The following TAFA1 variants were observed in gnomAD, a reference collection of about 807,000 sequenced individuals.
TAFA1 encodes the protein chemokine-like protein TAFA-1.
TAFA1 carries 4 observed loss-of-function variants against 18.5 expected under a neutral mutation model. The ratio of observed to expected loss-of-function variants is 0.22; its 90% confidence interval spans 0.11 to 0.49. TAFA1 has a LOEUF of 0.49. Among genes scored for constraint, TAFA1 ranks in the 20% least tolerant of loss-of-function variants. The probability of loss-of-function intolerance (pLI) is 0.98; values close to 1 mark genes in which losing one functional copy is unlikely to be tolerated. For synonymous variants in TAFA1, 56 were observed against 55.2 expected (o/e 1.01, Z -0.06); for missense variants, 147 against 169.0 (o/e 0.87, Z 0.72).
chr3:68,292,047 T>C (rs1416003865), intron 2 of TAFA1, among the ~76,000 whole-genome samples: 2 of 152,170 alleles, frequency 1.3e-5, no homozygotes, highest in Non-Finnish European at 2.9e-5. Flanking sequence ...TTCACTCATG[T>C]CGTTTACTCT....
At chr3:68,059,147 C>T (rs2064570821) in intron 2 of TAFA1, among the ~76,000 whole-genome samples, 1 of 152,002 alleles carries the variant, frequency 6.6e-6, no homozygotes, top group South Asian at 2.1e-4. Flanking sequence ...AGAAGAAGAC[C>T]ATACAATTGG....
intron 3 of TAFA1, 194 bp downstream of exon 3, chr3:68,417,614 C>A: frequency 1.7e-6 from 1 of 586,818 alleles, no homozygotes; most frequent in Non-Finnish European, 2.9e-6. Flanking sequence ...GTTTTTTCCC[C>A]AAAAAATAGA....
intron 2 of TAFA1, among the ~76,000 whole-genome samples, chr3:68,066,460 A>T (rs2064679281): frequency 6.6e-6 from 1 of 152,204 alleles, no homozygotes; most frequent in East Asian, 1.9e-4. Context: ...TCTGCTTTTA[A>T]ATGTGTGTCT....
intron 2 of TAFA1, among the ~76,000 whole-genome samples, chr3:68,412,425 G>A (rs936171904): frequency 8.6e-5 from 13 of 151,498 alleles, no homozygotes; most frequent in Non-Finnish European, 5.9e-5. Context: ...TGTGCACAAC[G>A]TGCAGGTTTG....
intron 2 of TAFA1, among the ~76,000 whole-genome samples, chr3:68,021,140 C>A (rs751470776): frequency 1.6e-5 from 2 of 128,200 alleles, no homozygotes; most frequent in East Asian, 5.1e-4. Flanking sequence ...GAGCCAAGAT[C>A]GTGCCACTGC....
At chr3:68,400,165 G>C (rs1325873424) in intron 2 of TAFA1, among the ~76,000 whole-genome samples, 3 of 152,116 alleles carry the variant, frequency 2.0e-5, no homozygotes, top group Non-Finnish European at 4.4e-5. Flanking sequence ...CATTTGCACT[G>C]CATCGACTGA....
chr3:68,486,720 A>G (rs1184998085), intron 3 of TAFA1, among the ~76,000 whole-genome samples: 1 of 152,218 alleles, frequency 6.6e-6, no homozygotes, highest in South Asian at 2.1e-4. Context: ...GATGGTGTCA[A>G]TGCAGCATTA....
chr3:68,278,586 A>T (rs1407029738), intron 2 of TAFA1, among the ~76,000 whole-genome samples: 1 of 152,120 alleles, frequency 6.6e-6, no homozygotes, highest in African/African-American at 2.4e-5. Flanking sequence ...TAGTGCAGAG[A>T]TAGTGCCATC....
intron 3 of TAFA1, among the ~76,000 whole-genome samples, chr3:68,452,411 TA>T (rs1166088710): frequency 1.3e-5 from 2 of 150,960 alleles, no homozygotes; most frequent in East Asian, 3.9e-4. Context: ...TGGTCCTAGC[TA>T]CTCGGGAGGC....
intron 3 of TAFA1, among the ~76,000 whole-genome samples, chr3:68,465,270 T>C (rs2071865980): frequency 6.6e-6 from 1 of 152,156 alleles, no homozygotes; most frequent in Non-Finnish European, 1.5e-5. Context: ...AGCAGATACC[T>C]TGTAACCATA....
intron 2 of TAFA1, among the ~76,000 whole-genome samples, chr3:68,078,292 T>C (rs2064852659): frequency 6.6e-6 from 1 of 151,498 alleles, no homozygotes; most frequent in Non-Finnish European, 1.5e-5. Flanking sequence ...CCTAATTGAA[T>C]ACCCTTTATT....
At chr3:68,418,239 A>T (rs1427653789) in intron 3 of TAFA1, among the ~76,000 whole-genome samples, 1 of 152,082 alleles carries the variant, frequency 6.6e-6, no homozygotes, top group Non-Finnish European at 1.5e-5. Context: ...CCCAAAAGAT[A>T]GTCAGCAAAG....
At chr3:68,381,939 C>T (rs1261335752) in intron 2 of TAFA1, among the ~76,000 whole-genome samples, 3 of 152,128 alleles carry the variant, frequency 2.0e-5, no homozygotes, top group Non-Finnish European at 2.9e-5. Flanking sequence ...TTTTGAGATA[C>T]GTCCCATCAA....
At chr3:68,114,393 G>T (rs2065301059) in intron 2 of TAFA1, among the ~76,000 whole-genome samples, 1 of 152,158 alleles carries the variant, frequency 6.6e-6, no homozygotes, top group South Asian at 2.1e-4. Flanking sequence ...AGAATAGTTT[G>T]TCACTCAGCA....
chr3:68,028,574 C>G (rs923888545), intron 2 of TAFA1, among the ~76,000 whole-genome samples: 1 of 152,024 alleles, frequency 6.6e-6, no homozygotes, highest in Non-Finnish European at 1.5e-5. Context: ...CAGGGCTACG[C>G]TCCTATGGGA....
intron 3 of TAFA1, among the ~76,000 whole-genome samples, chr3:68,509,817 A>T (rs1301903765): frequency 2.0e-5 from 3 of 152,128 alleles, no homozygotes; most frequent in Non-Finnish European, 4.4e-5. Context: ...GGAGCAGAGG[A>T]TGGGAAATGC....
intron 2 of TAFA1, among the ~76,000 whole-genome samples, chr3:68,081,624 C>A (rs193075978): frequency 0.017 from 2,537 of 152,252 alleles, 74 homozygotes; most frequent in African/African-American, 0.058. Flanking sequence ...TTAGGCTGCT[C>A]GGGGGTCAGG....
chr3:68,024,833 A>ACACACACAC (rs397978695), intron 2 of TAFA1, among the ~76,000 whole-genome samples: 1 of 151,142 alleles, frequency 6.6e-6, no homozygotes, highest in Non-Finnish European at 1.5e-5. Flanking sequence ...ACACACACAC[A>ACACACACAC]ATTATACATT....
chr3:68,325,082 C>T (rs948172403), intron 2 of TAFA1, among the ~76,000 whole-genome samples: 41 of 147,348 alleles, frequency 2.8e-4, no homozygotes, highest in African/African-American at 1.1e-3. Flanking sequence ...AAGAGTGTGT[C>T]TGTCTCTCTC....
Sources: gnomAD v4.1 joint callset for allele counts (sites outside exome capture counted in the v4.1 genomes callset) on GRCh38, gnomAD v4.1.1 for gene constraint, MANE v1.5 for transcripts, NCBI Gene and HGNC (gene_info 2026-07-23, HGNC 2026-07-21) for gene names.